The following DDAH1 variants were observed in gnomAD, a reference collection of about 807,000 sequenced individuals.
DDAH1 encodes dimethylarginine dimethylaminohydrolase 1.
Under a neutral mutation model 28.8 loss-of-function variants are expected in DDAH1, and 19 were observed. The observed-to-expected ratio is 0.66, with a 90% CI of 0.46 to 0.97. The LOEUF (loss-of-function observed/expected upper bound fraction) is 0.97, where lower values mean the gene tolerates loss of function less well. Ranked by LOEUF, DDAH1 falls within the 50% of genes least tolerant of loss-of-function variation. DDAH1 has a pLI of 0.00. For missense variants in DDAH1, 326 were observed against 375.9 expected, an observed-to-expected ratio of 0.87 and a Z score of 1.10; for synonymous variants, 153 against 154.4, an observed-to-expected ratio of 0.99 and a Z score of 0.07.
chr1:85,571,149 G>A (rs746793317), intron 1 of DDAH1, among the ~76,000 whole-genome samples: 11 of 152,210 alleles, frequency 7.2e-5, no homozygotes, highest in Middle Eastern at 6.8e-3. Context: ...GGCCCATGGC[G>A]GTGCCCTGTA....
chr1:85,470,312 A>G (rs372053654), intron 2 of DDAH1, among the ~76,000 whole-genome samples: 10 of 152,362 alleles, frequency 6.6e-5, no homozygotes, highest in African/African-American at 1.4e-4. Context: ...GAAAATGAGA[A>G]TCAAGTGAAA....
At chr1:85,380,266 T>C (rs1357804424) in intron 1 of DDAH1, 1 of 152,232 alleles carries the variant, frequency 6.6e-6, no homozygotes. Context: ...TTCTTATAAG[T>C]AGATAATCCG....
intron 1 of DDAH1, among the ~76,000 whole-genome samples, chr1:85,434,422 GT>G (rs34431273): frequency 3.4e-5 from 5 of 147,162 alleles, no homozygotes; most frequent in Non-Finnish European, 3.0e-5. Flanking sequence ...TGTGTGTTTT[GT>G]TTTTTTTTTG....
intron 1 of DDAH1, among the ~76,000 whole-genome samples, chr1:85,450,134 T>C (rs1486150816): frequency 6.6e-6 from 1 of 152,184 alleles, no homozygotes; most frequent in Non-Finnish European, 1.5e-5. Flanking sequence ...TTTAGGACAC[T>C]TACTGGTATT....
At chr1:85,364,074 AG>A (rs1465498566) in intron 1 of DDAH1, among the ~76,000 whole-genome samples, 7 of 152,204 alleles carry the variant, frequency 4.6e-5, no homozygotes, top group Admixed American at 1.3e-4. Context: ...AAAAGAAGAA[AG>A]GGTAGATATT....
At chr1:85,390,393 C>A (rs185065771) in intron 1 of DDAH1, among the ~76,000 whole-genome samples, 2 of 152,102 alleles carry the variant, frequency 1.3e-5, no homozygotes, top group Non-Finnish European at 2.9e-5. Flanking sequence ...CATTCTACAG[C>A]GTATGTGGGG....
chr1:85,488,088 G>A (rs1656265775), intron 2 of DDAH1, among the ~76,000 whole-genome samples: 2 of 152,088 alleles, frequency 1.3e-5, no homozygotes, highest in Admixed American at 1.3e-4. Context: ...AGGAGGCTGA[G>A]GCAGGCAAAT....
At chr1:85,532,788 A>G (rs1238850078) in intron 1 of DDAH1, among the ~76,000 whole-genome samples, 1 of 152,248 alleles carries the variant, frequency 6.6e-6, no homozygotes, top group African/African-American at 2.4e-5. Context: ...CAAAGTGATC[A>G]TTTGCTTTTT....
chr1:85,327,710 C>T (rs896435080), intron 4 of DDAH1, among the ~76,000 whole-genome samples: 1 of 152,066 alleles, frequency 6.6e-6, no homozygotes, highest in African/African-American at 2.4e-5. Context: ...CCTCAATTCC[C>T]TCAGCAGTAA....
intron 1 of DDAH1, among the ~76,000 whole-genome samples, chr1:85,434,924 GA>G (rs920768679): frequency 1.3e-5 from 2 of 151,668 alleles, no homozygotes; most frequent in African/African-American, 2.4e-5. Flanking sequence ...TATAAATTTA[GA>G]AAAAATAGAA....
intron 1 of DDAH1, among the ~76,000 whole-genome samples, chr1:85,413,121 C>CT (rs1652735504): frequency 1.3e-5 from 2 of 152,204 alleles, no homozygotes; most frequent in African/African-American, 4.8e-5. Flanking sequence ...TGCTACATGA[C>CT]TATTACCATT....
At chr1:85,500,259 CCTGT>C (rs1364921624) in intron 1 of DDAH1, among the ~76,000 whole-genome samples, 2 of 145,714 alleles carry the variant, frequency 1.4e-5, no homozygotes, top group Non-Finnish European at 1.5e-5. Context: ...TTCCTTTTTT[CCTGT>C]CTCTCTCCCT....
intron 1 of DDAH1, among the ~76,000 whole-genome samples, chr1:85,497,420 C>G (rs1039014369): frequency 6.6e-6 from 1 of 152,210 alleles, no homozygotes; most frequent in Non-Finnish European, 1.5e-5. Flanking sequence ...GTCCTTTTTA[C>G]AGCAGTGTTC....
intron 4 of DDAH1, among the ~76,000 whole-genome samples, chr1:85,346,673 T>C (rs1648866612): frequency 6.6e-6 from 1 of 152,202 alleles, no homozygotes; most frequent in Non-Finnish European, 1.5e-5. Flanking sequence ...ATAAGTGATA[T>C]ATTTGTCTCT....
rs1489462095 is a variant in DDAH1, at chr1:85,520,895, T to C, written c.-122-24614A>G. On this transcript the variant is annotated intron_variant, in intron 1 of 6. Coordinates refer to the DDAH1 transcript ENST00000426972. ...ACCACACTAATCAACTTCTTCCTTATACATTCGCTGGCTCCACAGTAAAAA... is the reference window on the plus strand; with the variant it reads ...ACCACACTAATCAACTTCTTCCTTACACATTCGCTGGCTCCACAGTAAAAA... Among the ~76,000 whole-genome samples the C allele has an allele frequency of 1.9e-4, 29 of 152,358 alleles. 1 individual carries two copies. Among genetic ancestry groups the C allele is most frequent in the African/African-American group, 7.0e-4 (29 of 41,580 alleles).
At chr1:85,422,412 G>A (rs1216076455) in intron 1 of DDAH1, among the ~76,000 whole-genome samples, 3 of 152,100 alleles carry the variant, frequency 2.0e-5, no homozygotes, top group African/African-American at 4.8e-5. Flanking sequence ...TTAATAAAGT[G>A]TAGATTATAA....
chr1:85,392,786 T>G (rs1651617566), intron 1 of DDAH1, among the ~76,000 whole-genome samples: 1 of 101,720 alleles, frequency 9.8e-6, no homozygotes. Flanking sequence ...AGCAAGACTC[T>G]GTCTAAAAAA....
intron 2 of DDAH1, among the ~76,000 whole-genome samples, chr1:85,484,495 C>A (rs1455071853): frequency 6.6e-6 from 1 of 152,012 alleles, no homozygotes; most frequent in Non-Finnish European, 1.5e-5. Flanking sequence ...AGGACTAGAA[C>A]AAAGGTTAAA....
intron 1 of DDAH1, among the ~76,000 whole-genome samples, chr1:85,497,573 C>T (rs970998950): frequency 6.6e-6 from 1 of 152,082 alleles, no homozygotes; most frequent in African/African-American, 2.4e-5. Flanking sequence ...TTGCAAAATA[C>T]AATAATGTCC....
Sources: gnomAD v4.1 joint callset for allele counts (sites outside exome capture counted in the v4.1 genomes callset) on GRCh38, gnomAD v4.1.1 for gene constraint, MANE v1.5 for transcripts, NCBI Gene and HGNC (gene_info 2026-07-23, HGNC 2026-07-21) for gene names.